The following PHB1 variants were observed in gnomAD, a reference collection of about 807,000 sequenced individuals.
PHB1 encodes the protein prohibitin 1.
chr17:49,413,762 G>A, the PHB1 span, among the ~76,000 whole-genome samples: 3 of 151,910 alleles, frequency 2.0e-5, no homozygotes, highest in African/African-American at 7.3e-5. Context: ...CCCCTGCCTC[G>A]GCCTCCCAAG....
At chr17:49,410,581 G>A in the PHB1 span, among the ~76,000 whole-genome samples, 1 of 152,184 alleles carries the variant, frequency 6.6e-6, no homozygotes, top group Non-Finnish European at 1.5e-5. Context: ...AGAATTGTAG[G>A]GTGAGGCCTT....
the PHB1 span, chr17:49,409,261 G>A: frequency 1.9e-5 from 31 of 1,601,014 alleles, no homozygotes; most frequent in Admixed American, 4.0e-4. Context: ...ACTGCCAAGC[G>A]CTTCCTGCCA....
At chr17:49,413,900 G>T in the PHB1 span, among the ~76,000 whole-genome samples, 251 of 152,132 alleles carry the variant, frequency 1.6e-3, 1 homozygote, top group African/African-American at 5.8e-3. Context: ...AATCCACAGA[G>T]AACTTAGCAC....
chr17:49,408,766 G>A, the PHB1 span: 1 of 357,790 alleles, frequency 2.8e-6, no homozygotes. Flanking sequence ...CACTCTCTGG[G>A]TAACAGTTTG....
the PHB1 span, chr17:49,413,127 C>T: frequency 7.3e-7 from 1 of 1,377,462 alleles, no homozygotes; most frequent in East Asian, 2.3e-5. Flanking sequence ...TGCAGACCAA[C>T]AGAAAACTCC....
chr17:49,413,490 T>C, the PHB1 span, among the ~76,000 whole-genome samples: 1 of 151,830 alleles, frequency 6.6e-6, no homozygotes, highest in Non-Finnish European at 1.5e-5. Context: ...TGCTTTTTTT[T>C]TTTTTCAGTT....
At chr17:49,413,076 T>A in the PHB1 span, 1 of 842,336 alleles carries the variant, frequency 1.2e-6, no homozygotes, top group South Asian at 1.5e-5. Flanking sequence ...CACAAACACA[T>A]TCACTGACGG....
the PHB1 span, chr17:49,407,212 A>C: frequency 5.3e-5 from 12 of 225,464 alleles, no homozygotes; most frequent in South Asian, 8.2e-4. Context: ...GCCACTGACT[A>C]GTGCTCTTCC....
At chr17:49,406,681 A>G in the PHB1 span, 1 of 992,734 alleles carries the variant, frequency 1.0e-6, no homozygotes, top group South Asian at 1.3e-5. Context: ...ATGAATTTCC[A>G]GGCCACCCAG....
the PHB1 span, chr17:49,404,534 C>T: frequency 1.6e-5 from 4 of 247,868 alleles, no homozygotes; most frequent in South Asian, 9.2e-5. Context: ...GCACAGGAAC[C>T]GCTGGGAAGA....
the PHB1 span, among the ~76,000 whole-genome samples, chr17:49,406,274 C>T: frequency 6.6e-6 from 1 of 152,226 alleles, no homozygotes; most frequent in Non-Finnish European, 1.5e-5. Flanking sequence ...AATAAATGAA[C>T]ATGTCTTTGC....
At chr17:49,411,043 C>A in the PHB1 span, among the ~76,000 whole-genome samples, 2 of 152,230 alleles carry the variant, frequency 1.3e-5, no homozygotes, top group East Asian at 1.9e-4. Flanking sequence ...CTGAACTGGG[C>A]ACCAAGAGAG....
the PHB1 span, chr17:49,408,858 G>A: frequency 1.8e-6 from 1 of 566,924 alleles, no homozygotes; most frequent in Non-Finnish European, 3.2e-6. Context: ...CAGGGGGAAG[G>A]TAAAAGAACC....
the PHB1 span, among the ~76,000 whole-genome samples, chr17:49,413,742 T>G: frequency 2.0e-5 from 3 of 152,114 alleles, no homozygotes; most frequent in Non-Finnish European, 4.4e-5. Flanking sequence ...ACTCCTGGGC[T>G]CAAGTGATCC....
the PHB1 span, chr17:49,411,617 C>G: frequency 6.9e-7 from 1 of 1,457,670 alleles, no homozygotes; most frequent in Non-Finnish European, 9.5e-7. Context: ...TCCTGTGACA[C>G]AGAAGAACAG....
At chr17:49,413,099 A>G in the PHB1 span, 3 of 1,033,616 alleles carry the variant, frequency 2.9e-6, no homozygotes, top group Admixed American at 1.9e-5. Flanking sequence ...GCTACCATCA[A>G]GAGTGTCACA....
At chr17:49,405,954 C>T in the PHB1 span, among the ~76,000 whole-genome samples, 3 of 152,184 alleles carry the variant, frequency 2.0e-5, no homozygotes, top group African/African-American at 7.2e-5. Flanking sequence ...CTCTCTGCAA[C>T]GTGTGACCTT....
At chr17:49,405,218 G>T in the PHB1 span, 2 of 1,610,764 alleles carry the variant, frequency 1.2e-6, no homozygotes, top group Non-Finnish European at 8.5e-7. Flanking sequence ...AAAGAATGGA[G>T]GTGGAGACAA....
the PHB1 span, among the ~76,000 whole-genome samples, chr17:49,405,926 A>G: frequency 1.3e-5 from 2 of 152,200 alleles, no homozygotes; most frequent in African/African-American, 4.8e-5. Context: ...TGCCCTACCA[A>G]TATCAATAGG....
Sources: gnomAD v4.1 joint callset for allele counts (sites outside exome capture counted in the v4.1 genomes callset) on GRCh38, gnomAD v4.1.1 for gene constraint, MANE v1.5 for transcripts, NCBI Gene and HGNC (gene_info 2026-07-23, HGNC 2026-07-21) for gene names.